APOBEC3B: variants seen among roughly 807,000 people sequenced by gnomAD.
APOBEC3B encodes apolipoprotein B mRNA editing enzyme catalytic subunit 3B.
In APOBEC3B, 29 loss-of-function variants were observed where a neutral mutation model predicts 53.4. The observed-to-expected ratio is 0.54, with a 90% CI of 0.40 to 0.74. APOBEC3B has a LOEUF of 0.74. Ranked by LOEUF, APOBEC3B falls within the 30% of genes least tolerant of loss-of-function variation. APOBEC3B has a pLI of 0.00. For missense variants in APOBEC3B, 347 were observed against 496.2 expected (o/e 0.70, Z 2.86); for synonymous variants, 132 against 184.8 (o/e 0.71, Z 2.32).
At position 38,985,670 on chromosome 22, in the gene APOBEC3B, C is replaced by G. The variant is rs1430144883; in HGVS notation, c.175-142C>G. On this transcript the variant is annotated intron_variant, in intron 2 of 7. Coordinates refer to ENST00000333467, the MANE Select transcript of APOBEC3B (RefSeq NM_004900.5). ...GCTTTGGAGCAGACAATCACTCAAA[C>G]TAAACAGGGGGGATGGAGGAAAGGA... 9 of 746,490 alleles carry G rather than the reference C, an allele frequency of 1.2e-5. 1 individual carries two copies. The highest frequency in any genetic ancestry group is 9.2e-5 in the Admixed American group (3 of 32,610). The allele number at this position is 746,490 out of a possible 1,614,324, so 46.2% of individuals were successfully genotyped here. A position where few individuals can be genotyped will look rare whatever the true frequency, so the allele number is the denominator to read the frequency against.
rs1247182903 is a variant in APOBEC3B, at chr22:38,986,330, A to G, written c.487A>G (p.Asn163Asp). 2 of 1,593,632 alleles carry G rather than the reference A, an allele frequency of 1.3e-6. No homozygotes were observed. Among genetic ancestry groups the G allele is most frequent in the African/African-American group, 2.7e-5 (2 of 74,202 alleles). ...FAYCWENFVY[N>D]EGQQFMPWYK... is the part of the protein sequence containing the mutation. ...ATACTGCTGGGAAAACTTTGTGTAC[A>G]ATGAAGGTCAGCAATTCATGCCTTG... The change falls in exon 4 of 8, where the codon AAT becomes GAT. Residue 163 changes from asparagine to aspartate, a missense_variant. By Grantham distance (23) the Asn-to-Asp change is conservative. Around this residue, in one of 5 missense-constraint regions of APOBEC3B, gnomAD observed 156 missense variants for 166.7 expected, o/e 0.94. Transcript: ENST00000333467.
chr22:38,988,739 T>C (rs1212030964), intron 4 of APOBEC3B, among the ~76,000 whole-genome samples: 68 of 128,786 alleles, frequency 5.3e-4, no homozygotes, highest in Middle Eastern at 3.7e-3. Flanking sequence ...CTTTCTTTCT[T>C]TCTTTCTTCC....
chr22:38,987,538 G>C (rs779873329), intron 4 of APOBEC3B, among the ~76,000 whole-genome samples: 1 of 148,636 alleles, frequency 6.7e-6, no homozygotes, highest in Admixed American at 6.9e-5. Flanking sequence ...AGGATGATTG[G>C]AGCAATCAGG....
intron 2 of APOBEC3B, 62 bp downstream of exon 2, chr22:38,984,293 CT>C: frequency 6.5e-7 from 1 of 1,536,824 alleles, no homozygotes. Context: ...ACTGGAGAGA[CT>C]GATATGGGTG....
At chr22:38,983,322 A>G (rs1834603943) in intron 1 of APOBEC3B, among the ~76,000 whole-genome samples, 1 of 148,504 alleles carries the variant, frequency 6.7e-6, no homozygotes, top group Non-Finnish European at 1.5e-5. Context: ...CATCAAAAAA[A>G]AAAAGAAAGA....
Position 38,989,488 on chromosome 22 carries a change from A to C in APOBEC3B, c.601A>C (p.Asn201His). The C allele has an allele frequency of 6.3e-7, 1 of 1,581,834 alleles. No homozygotes were observed. Among genetic ancestry groups the C allele is most frequent in the Non-Finnish European group, 8.6e-7 (1 of 1,163,928 alleles). The change falls in exon 5 of 8, where the codon AAC becomes CAC. Residue 201 changes from asparagine (N) to histidine (H), a missense_variant. This residue lies in a region of APOBEC3B where 156 missense variants were observed against 166.7 expected (regional missense o/e 0.94). Transcript: ENST00000333467. Reference protein sequence around the residue: ...YLMDPDTFTFNFNNDPLVLRR... With the variant: ...YLMDPDTFTFHFNNDPLVLRR... ...GATGGATCCAGACACATTCACTTTC[A>C]ACTTTAATAATGACCCTTTGGTCCT... is the stretch of plus-strand genomic sequence containing the variant.
At chr22:38,984,581 G>C (rs1923659030) in intron 2 of APOBEC3B, among the ~76,000 whole-genome samples, 1 of 148,644 alleles carries the variant, frequency 6.7e-6, no homozygotes, top group Non-Finnish European at 1.5e-5. Flanking sequence ...AATGGTTCTG[G>C]AAAGGAGAGA....
At chr22:38,983,967 G>A in intron 1 of APOBEC3B, 108 bp from the exon 2 acceptor site, 1 of 1,319,806 alleles carries the variant, frequency 7.6e-7, no homozygotes, top group Non-Finnish European at 1.0e-6. Context: ...GCTGTGGAGG[G>A]GTCGGGGAGG....
chr22:38,988,691 T>TCTCTC (rs1447601363), intron 4 of APOBEC3B, among the ~76,000 whole-genome samples: 1 of 87,912 alleles, frequency 1.1e-5, no homozygotes, highest in Non-Finnish European at 2.2e-5. Flanking sequence ...TTCTCTTTCT[T>TCTCTC]TCTTTCTTTC....
intron 4 of APOBEC3B, among the ~76,000 whole-genome samples, chr22:38,988,835 G>C (rs1923877105): frequency 6.9e-6 from 1 of 145,658 alleles, no homozygotes; most frequent in South Asian, 2.3e-4. Flanking sequence ...GTCTACAGAG[G>C]GGCCGGGAGA....
chr22:38,986,324 G>A lies in APOBEC3B; in HGVS notation c.481G>A (p.Val161Met). ...ATTTGCATACTGCTGGGAAAACTTT[G>A]TGTACAATGAAGGTCAGCAATTCAT... ...EEFAYCWENF[V>M]YNEGQQFMPW... Residue 161 changes from valine (V) to methionine (M), a missense_variant, in exon 4 of 8, where the codon GTG (valine) becomes ATG (methionine). By Grantham distance (21) the Val-to-Met change is conservative. Transcript: ENST00000333467. 1.3e-6 allele frequency: 2 copies of A among 1,593,746 alleles called. No individual in the cohort carries two copies. The highest frequency in any genetic ancestry group is 1.1e-5 in the South Asian group (1 of 88,788).
At chr22:38,989,633 T>A (rs1247595386) in intron 5 of APOBEC3B, 23 bp downstream of exon 5, 8 of 1,548,770 alleles carry the variant, frequency 5.2e-6, no homozygotes, top group Non-Finnish European at 7.0e-6. Flanking sequence ...GCCACCTGCA[T>A]CCAGGCAGGG....
At chr22:38,982,733 G>A (rs552906300) in intron 1 of APOBEC3B, among the ~76,000 whole-genome samples, 7 of 148,170 alleles carry the variant, frequency 4.7e-5, no homozygotes, top group Non-Finnish European at 7.4e-5. Context: ...GCCCGGACTG[G>A]TGCTCCCCGC....
At chr22:38,988,687 T>TTTCTCTCTCTCTTTCTTTCTC (rs1491021212) in intron 4 of APOBEC3B, among the ~76,000 whole-genome samples, 1 of 45,194 alleles carries the variant, frequency 2.2e-5, no homozygotes, top group East Asian at 7.5e-4. Context: ...CTCTTTCTCT[T>TTTCTCTCTCTCTTTCTTTCTC]TCTTTCTTTC....
In APOBEC3B at chr22:38,985,885, A is replaced by G; in HGVS notation, c.248A>G (p.Tyr83Cys). Residue 83 changes from tyrosine to cysteine, a missense_variant, in exon 3 of 8, where the codon TAC (tyrosine) becomes TGC (cysteine). Around this residue, in one of 5 missense-constraint regions of APOBEC3B, gnomAD observed 20 missense variants for 50.9 expected, o/e 0.39. Transcript: ENST00000333467. ...TTCTGTGGCAACCAGCTGCCTGCTTACAAGTGTTTCCAGATCACCTGGTTT... is the reference window on the plus strand; with the variant it reads ...TTCTGTGGCAACCAGCTGCCTGCTTGCAAGTGTTTCCAGATCACCTGGTTT... ...SWFCGNQLPA[Y>C]KCFQITWFVS... The G allele has an allele frequency of 6.3e-7, 1 of 1,596,632 alleles. No homozygotes were observed. Among genetic ancestry groups the G allele is most frequent in the Non-Finnish European group, 8.5e-7 (1 of 1,173,688 alleles).
intron 2 of APOBEC3B, among the ~76,000 whole-genome samples, chr22:38,985,401 CCAGA>C (rs1388711887): frequency 6.7e-6 from 1 of 148,256 alleles, no homozygotes; most frequent in Non-Finnish European, 1.5e-5. Context: ...AGGGGATGCT[CCAGA>C]CAGAGTGGCC....
intron 6 of APOBEC3B, among the ~76,000 whole-genome samples, 168 bp downstream of exon 6, chr22:38,991,794 C>G (rs532334934): frequency 1.4e-5 from 2 of 147,818 alleles, no homozygotes; most frequent in African/African-American, 4.9e-5. Context: ...GATATGGGCC[C>G]GGGGAGGGTG....
Position 38,982,531 on chromosome 22 carries a change from T to A in APOBEC3B, c.17+61T>A. On this transcript the variant is annotated intron_variant, in intron 1 of 7. Transcript: ENST00000333467. ...GCCCCTTCCTGCCTGGTGGTCCTGC[T>A]GGGCCTCAACCCTGGCCTCCCCCCG... The A allele has an allele frequency of 1.9e-6, 3 of 1,580,292 alleles. No individual in the cohort carries two copies. In the South Asian group the frequency reaches 3.4e-5, roughly 18 times the overall value.
intron 2 of APOBEC3B, 135 bp from the exon 3 acceptor site, chr22:38,985,677 G>C: frequency 1.3e-6 from 1 of 761,774 alleles, no homozygotes. Flanking sequence ...AAACTAAACA[G>C]GGGGGATGGA....
Sources: allele counts gnomAD v4.1 joint callset (sites outside exome capture counted in the v4.1 genomes callset), GRCh38; gene constraint gnomAD v4.1.1; regional missense constraint gnomAD v4.1.1; transcripts MANE v1.5; gene names NCBI Gene and HGNC (gene_info 2026-07-23, HGNC 2026-07-21).